TEP1: variants seen among roughly 807,000 people sequenced by gnomAD.
TEP1 encodes the protein telomerase associated protein 1, also known as telomerase protein component 1.
A neutral mutation model predicts 306.3 loss-of-function variants in TEP1; 241 were observed. That is an observed-to-expected ratio of 0.79 (90% confidence interval 0.71 to 0.88). The LOEUF (loss-of-function observed/expected upper bound fraction) is 0.88. Ranked by LOEUF, TEP1 falls within the 40% of genes least tolerant of loss-of-function variation. The pLI, the probability that TEP1 is intolerant of heterozygous loss-of-function variation, is 0.00. For synonymous variants in TEP1, 1,289 were observed against 1,305.5 expected (o/e 0.99, Z 0.27); for missense variants, 3,051 against 3,276.1 (o/e 0.93, Z 1.68).
At chr14:20,401,684 ATTTC>A (rs1878770771) in intron 7 of TEP1, 103 bp from the exon 8 acceptor site, 3 of 1,499,118 alleles carry the variant, frequency 2.0e-6, no homozygotes, top group Admixed American at 2.1e-5. Flanking sequence ...CTATGTGGTA[ATTTC>A]TTTCTTCAAA....
rs763643878 is a variant in TEP1 at position 20,408,288 on chromosome 14, C to T, written c.152G>A (p.Cys51Tyr). 2 of 1,613,674 alleles carry T rather than the reference C, an allele frequency of 1.2e-6. No individual in the cohort carries two copies. The highest frequency in any genetic ancestry group is 4.5e-5 in the East Asian group (2 of 44,854). ...HSDILSLKNQ[C>Y]LATLPDLKTM... ...CTTCAGGTCAGGAAGCGTGGCTAGG[C>T]ACTGGTTCTTCAAGGAGAGGATATC... Residue 51 changes from cysteine (C) to tyrosine (Y), a missense_variant, in exon 2 of 55, where the codon TGC (cysteine) becomes TAC (tyrosine). Around this residue, in one of 3 missense-constraint regions of TEP1, gnomAD observed 1,507 missense variants for 1,550.5 expected, o/e 0.97. Coordinates refer to ENST00000262715, the MANE Select transcript of TEP1 (RefSeq NM_007110.5).
At chr14:20,393,387 A>G (rs1045393651) in intron 12 of TEP1, among the ~76,000 whole-genome samples, 5 of 152,228 alleles carry the variant, frequency 3.3e-5, no homozygotes, top group Non-Finnish European at 7.3e-5. Context: ...GCACTATCCA[A>G]TAGAATTCAA....
chr14:20,400,796 C>A, intron 9 of TEP1, 188 bp downstream of exon 9: 1 of 658,678 alleles, frequency 1.5e-6, no homozygotes, highest in South Asian at 2.3e-5. Context: ...TCTATGATGC[C>A]AACATTACTC....
chr14:20,406,884 G>A (rs1879218870), intron 2 of TEP1, among the ~76,000 whole-genome samples: 1 of 152,208 alleles, frequency 6.6e-6, no homozygotes, highest in African/African-American at 2.4e-5. Context: ...TTTGCAAAAT[G>A]CAAAGCCCTA....
rs769750298 is a variant in TEP1, at chr14:20,368,777, CA to C, written c.7761+20del. 1 of 1,597,340 alleles carries C rather than the reference CA, an allele frequency of 6.3e-7. No individual in the cohort carries two copies. On this transcript the variant is annotated intron_variant, in intron 54 of 54. Coordinates refer to ENST00000262715, the MANE Select transcript of TEP1 (RefSeq NM_007110.5). ...GTGCAGGCGCACGCACACACACACA[CA>C]CACACACACACACACTTACCAGCTG...
At position 20,383,870 on chromosome 14, in the gene TEP1, A is replaced by G. The variant is rs1760904; in HGVS notation, c.3583T>C (p.Ser1195Pro). The change falls in exon 25 of 55, where the codon TCA becomes CCA. Residue 1195 changes from serine to proline, a missense_variant. Physicochemically the swap from Ser to Pro is moderately conservative, Grantham distance 74. Transcript: ENST00000262715. ...LQAPDGAKVA[S>P]LVFFHFSGAR... The stretch of plus-strand genomic sequence containing the variant: ...CCAGAAAAGTGGAAGAAGACTAATG[A>G]TGCCACCTTGGCCCCATCAGGAGCC... 0.51 allele frequency: 813,157 copies of G among 1,600,432 alleles called. 215,998 individuals are homozygous for G. The highest frequency in any genetic ancestry group is 0.91 in the African/African-American group (68,216 of 74,952).
At chr14:20,396,233 C>T (rs955007750) in intron 10 of TEP1, among the ~76,000 whole-genome samples, 10 of 152,214 alleles carry the variant, frequency 6.6e-5, no homozygotes, top group Non-Finnish European at 2.9e-5. Flanking sequence ...CTTTGGGAGC[C>T]TTAGGCAGGT....
In TEP1 at chr14:20,403,408, T is replaced by C. The variant is rs1451446414; in HGVS notation, c.1235A>G (p.Tyr412Cys). The C allele has an allele frequency of 1.2e-6, 2 of 1,614,032 alleles. No individual in the cohort carries two copies. Among genetic ancestry groups the C allele is most frequent in the Non-Finnish European group, 8.5e-7 (1 of 1,180,022 alleles). The change falls in exon 7 of 55, where the codon TAC becomes TGC. Residue 412 changes from tyrosine to cysteine, a missense_variant. By Grantham distance (194) the Tyr-to-Cys change is radical (BLOSUM62 -2). Transcript: ENST00000262715. ...CTGCTCTTCTCTGAGAAACCCTATG[T>C]ACCTTGGAAAACATCTGTGAGAAAA... ...PPFSHRCFPR[Y>C]IGFLREEQRK...
rs763433318 is a variant in TEP1 at position 20,386,506 on chromosome 14, G to A, written c.2802C>T (p.Ile934=). The change falls in exon 19 of 55, where the codon ATC becomes ATT. Residue 934 remains isoleucine (I), a synonymous_variant. Coordinates refer to ENST00000262715, the MANE Select transcript of TEP1 (RefSeq NM_007110.5). ...AGCGGAGGTCGATTCCGTGAAGGCT[G>A]ATACGGTGAGGGGCCGCTCGGGCCT... ...ALQARAAPHR[I]SLHGIDLRWG... 13 of 1,612,942 alleles carry A rather than the reference G, an allele frequency of 8.1e-6. No individual in the cohort carries two copies. In the East Asian group the frequency reaches 2.5e-4, roughly 30 times the overall value.
At chr14:20,376,530 TA>T (rs1446080607) in intron 41 of TEP1, among the ~76,000 whole-genome samples, 1 of 152,234 alleles carries the variant, frequency 6.6e-6, no homozygotes, top group Non-Finnish European at 1.5e-5. Flanking sequence ...TCTGCTTCTC[TA>T]ACTGTACTCC....
intron 14 of TEP1, 88 bp from the exon 15 acceptor site, chr14:20,390,846 T>A: frequency 6.2e-7 from 1 of 1,612,154 alleles, no homozygotes. Context: ...TCTTCAGAAC[T>A]GTGTATTGTC....
chr14:20,385,120 G>C lies in TEP1; in HGVS notation c.2983-11C>G. On this transcript the variant is annotated splice_polypyrimidine_tract_variant and intron_variant, in intron 20 of 54. Coordinates refer to ENST00000262715, the MANE Select transcript of TEP1 (RefSeq NM_007110.5). ...AGGGTACTGCTGGGCCTGCGGGGAG[G>C]ACAGAGACAGTGAGTTTAGTCCTAG... 6.2e-7 allele frequency: 1 copy of C among 1,613,646 alleles called. No homozygotes were observed. Among genetic ancestry groups the C allele is most frequent in the Non-Finnish European group, 8.5e-7 (1 of 1,179,854 alleles).
intron 42 of TEP1, 110 bp downstream of exon 42, chr14:20,375,994 T>C: frequency 6.6e-7 from 1 of 1,503,966 alleles, no homozygotes; most frequent in Non-Finnish European, 9.1e-7. Context: ...AGATCTATAC[T>C]AGATTTGGCA....
intron 18 of TEP1, among the ~76,000 whole-genome samples, chr14:20,387,551 C>CAAAAAAAAA (rs34816712): frequency 7.8e-5 from 10 of 127,728 alleles, no homozygotes; most frequent in South Asian, 2.8e-4. Context: ...GACTCCGTCT[C>CAAAAAAAAA]AAAAAAAAAA....
chr14:20,372,359 AAT>A (rs938223652), intron 49 of TEP1, among the ~76,000 whole-genome samples: 1 of 137,464 alleles, frequency 7.3e-6, no homozygotes, highest in African/African-American at 2.7e-5. Flanking sequence ...AAGCCCCAGG[AAT>A]ATGTGTGTGT....
At position 20,380,064 on chromosome 14, in the gene TEP1, A is replaced by G. The variant is rs753811113; in HGVS notation, c.5004-11T>C. ...AGAGACAGGCTGGAGCTAGAGAAAG[A>G]GTAGGAAGAAAGGGAGGAAATAAAC... On this transcript the variant is annotated splice_polypyrimidine_tract_variant and intron_variant, in intron 34 of 54. Coordinates refer to ENST00000262715, the MANE Select transcript of TEP1 (RefSeq NM_007110.5). 1 of 1,607,772 alleles carries G rather than the reference A, an allele frequency of 6.2e-7. No homozygotes were observed. Among genetic ancestry groups the G allele is most frequent in the South Asian group, 1.1e-5 (1 of 89,644 alleles).
chr14:20,398,172 G>C (rs1052787124), intron 9 of TEP1, among the ~76,000 whole-genome samples: 3 of 151,950 alleles, frequency 2.0e-5, no homozygotes, highest in Admixed American at 2.0e-4. Flanking sequence ...GAGGTCAGGA[G>C]ATCAAGACCA....
At position 20,407,883 on chromosome 14, in the gene TEP1, T is replaced by C. The variant is rs775166178; in HGVS notation, c.557A>G (p.Glu186Gly). 6.3e-7 allele frequency: 1 copy of C among 1,594,624 alleles called. No individual in the cohort carries two copies. The highest frequency in any genetic ancestry group is 8.6e-7 in the Non-Finnish European group (1 of 1,169,452). Residue 186 changes from glutamate (E) to glycine (G), a missense_variant, in exon 2 of 55, where the codon GAA (glutamate) becomes GGA (glycine). Coordinates refer to ENST00000262715, the MANE Select transcript of TEP1 (RefSeq NM_007110.5). ...KSISATETAQ[E>G]ATLGRWFDSE... ...GCCTGGAGCTATTACCAAAGTTGCT[T>C]CCTGAGCTGTCTCTGTGGCAGAGAT...
intron 17 of TEP1, 23 bp from the exon 18 acceptor site, chr14:20,388,086 T>C: frequency 6.2e-7 from 1 of 1,613,220 alleles, no homozygotes; most frequent in Non-Finnish European, 8.5e-7. Flanking sequence ...ACAAGATAAA[T>C]GAGAGTAGAA....
Sources: allele counts gnomAD v4.1 joint callset (sites outside exome capture counted in the v4.1 genomes callset), GRCh38; gene constraint gnomAD v4.1.1; regional missense constraint gnomAD v4.1.1; transcripts MANE v1.5; gene names NCBI Gene and HGNC (gene_info 2026-07-23, HGNC 2026-07-21).